MCTP1: variants seen among roughly 807,000 people sequenced by gnomAD.
MCTP1 encodes multiple C2 and transmembrane domain containing 1, also known as multiple C2 and transmembrane domain-containing protein 1.
Under a neutral mutation model 120.6 loss-of-function variants are expected in MCTP1, and 69 were observed. That is an observed-to-expected ratio of 0.57 (90% CI 0.47 to 0.70). The LOEUF (loss-of-function observed/expected upper bound fraction) is 0.70, where lower values mean the gene tolerates loss of function less well. MCTP1 is among the 30% of genes least tolerant of loss of function. The pLI is 0.00. For synonymous variants in MCTP1, 529 were observed against 493.1 expected, an observed-to-expected ratio of 1.07 and a Z score of -0.96; for missense variants, 1,203 against 1,248.8, an observed-to-expected ratio of 0.96 and a Z score of 0.55.
At chr5:95,046,214 T>C (rs1264061060) in intron 1 of MCTP1, among the ~76,000 whole-genome samples, 4 of 152,180 alleles carry the variant, frequency 2.6e-5, no homozygotes, top group Admixed American at 1.3e-4. Context: ...AGAGATGCCA[T>C]AATTTCATTG....
At chr5:95,243,356 G>A (rs1756381859) in intron 1 of MCTP1, among the ~76,000 whole-genome samples, 1 of 152,214 alleles carries the variant, frequency 6.6e-6, no homozygotes, top group Admixed American at 6.5e-5. Flanking sequence ...TATTTGGGCT[G>A]AGACTTAAAG....
At position 95,127,507 on chromosome 5, in the gene MCTP1, C is replaced by T. The variant is rs560659734; in HGVS notation, c.721-110023G>A. ...AGGGCAGTGGAGGTGGTGGTGCAGT[C>T]TTGGGCAACTTGGAAGAGCATCTAT... On this transcript the variant is annotated intron_variant, in intron 1 of 22. Transcript: ENST00000515393. Among the ~76,000 whole-genome samples, 162 of 152,164 alleles carry T rather than the reference C, an allele frequency of 1.1e-3. 1 individual carries two copies. The highest frequency in any genetic ancestry group is 3.7e-3 in the African/African-American group (153 of 41,516).
intron 1 of MCTP1, among the ~76,000 whole-genome samples, chr5:95,039,601 TTTTA>T (rs1323785936): frequency 1.3e-5 from 2 of 152,182 alleles, no homozygotes; most frequent in Non-Finnish European, 2.9e-5. Context: ...AGGATGAGAA[TTTTA>T]TTTACTCAGT....
chr5:95,009,841 T>C (rs1426948628), intron 2 of MCTP1, among the ~76,000 whole-genome samples: 3 of 152,140 alleles, frequency 2.0e-5, no homozygotes, highest in South Asian at 2.1e-4. Flanking sequence ...AAAAAGGCAG[T>C]AGCACTTCAA....
chr5:95,047,200 A>G (rs1473767217), intron 1 of MCTP1, among the ~76,000 whole-genome samples: 1 of 152,172 alleles, frequency 6.6e-6, no homozygotes, highest in East Asian at 1.9e-4. Flanking sequence ...TTGCTTTCCC[A>G]TGTACTCTAG....
chr5:95,198,719 G>T (rs59458519), intron 1 of MCTP1, among the ~76,000 whole-genome samples: 1 of 152,164 alleles, frequency 6.6e-6, no homozygotes, highest in Admixed American at 6.5e-5. Flanking sequence ...GCATGGCTGA[G>T]AACTCAGTGG....
intron 1 of MCTP1, among the ~76,000 whole-genome samples, chr5:95,036,927 C>CTCAT (rs1170032970): frequency 1.3e-5 from 2 of 151,956 alleles, no homozygotes; most frequent in African/African-American, 4.8e-5. Flanking sequence ...CACTCACTCA[C>CTCAT]TCATTTTTTA....
intron 17 of MCTP1, among the ~76,000 whole-genome samples, chr5:94,817,840 C>T (rs77657298): frequency 6.6e-6 from 1 of 152,270 alleles, no homozygotes; most frequent in East Asian, 1.9e-4. Context: ...CGATTGGGCT[C>T]TCTTGTTCTT....
intron 2 of MCTP1, among the ~76,000 whole-genome samples, chr5:94,992,254 C>T (rs765704195): frequency 3.3e-5 from 5 of 152,068 alleles, no homozygotes; most frequent in South Asian, 2.1e-4. Flanking sequence ...TCACCAATAA[C>T]GTTTTAGTTA....
intron 1 of MCTP1, chr5:95,068,734 T>A: frequency 2.6e-6 from 3 of 1,148,888 alleles, no homozygotes; most frequent in Middle Eastern, 2.3e-4. Flanking sequence ...TTATGCCTAA[T>A]TAAACACCGA....
chr5:94,912,427 TCAAAAAAAAAAAA>T (rs1808903018), intron 9 of MCTP1, among the ~76,000 whole-genome samples: 6 of 24,216 alleles, frequency 2.5e-4, no homozygotes, highest in Admixed American at 7.8e-4. Flanking sequence ...TGAGACTCCA[TCAAAAAAAAAAAA>T]AAAAAAAAAA....
At chr5:94,730,616 A>T (rs1439661565) in intron 19 of MCTP1, among the ~76,000 whole-genome samples, 1 of 152,192 alleles carries the variant, frequency 6.6e-6, no homozygotes, top group Non-Finnish European at 1.5e-5. Context: ...GGAGGAGGAC[A>T]TGTTCTCAAT....
chr5:95,228,470 A>AAGAGAGAGAGAG (rs56915525), intron 1 of MCTP1, among the ~76,000 whole-genome samples: 14 of 147,424 alleles, frequency 9.5e-5, no homozygotes, highest in African/African-American at 1.7e-4. Flanking sequence ...ATGCAGCCAA[A>AAGAGAGAGAGAG]AGAGAGAGAG....
At position 94,898,955 on chromosome 5, in the gene MCTP1, CCTTT is replaced by C. The variant is rs1804787122; in HGVS notation, c.1653-4124_1653-4121del. On this transcript the variant is annotated intron_variant, in intron 10 of 22. Transcript: ENST00000515393. ...TGTATGTTTACATTTGCTGCATCTT[CCTTT>C]CTTTGCAATTCCACAAATCAAAAAG... is the stretch of plus-strand genomic sequence containing the variant. Among the ~76,000 whole-genome samples the C allele has an allele frequency of 2.0e-5, 3 of 152,170 alleles. No homozygotes were observed. The South Asian group carries it at 6.2e-4, about 32-fold the overall frequency.
intron 1 of MCTP1, among the ~76,000 whole-genome samples, chr5:95,157,519 A>G (rs896421331): frequency 3.9e-5 from 6 of 152,212 alleles, no homozygotes; most frequent in African/African-American, 1.4e-4. Flanking sequence ...GAAACAGAAA[A>G]CTTTAGCAAC....
intron 17 of MCTP1, among the ~76,000 whole-genome samples, chr5:94,832,870 GT>G (rs545268167): frequency 5.3e-4 from 81 of 152,306 alleles, no homozygotes; most frequent in Admixed American, 1.6e-3. Flanking sequence ...GTTAAAACAC[GT>G]GTCATGAGCT....
At position 94,942,421 on chromosome 5, in the gene MCTP1, C is replaced by A; in HGVS notation, c.988G>T (p.Asp330Tyr). 1 of 1,607,870 alleles carries A rather than the reference C, an allele frequency of 6.2e-7. No individual in the cohort carries two copies. The highest frequency in any genetic ancestry group is 1.1e-5 in the South Asian group (1 of 90,878). Residue 330 changes from aspartate (D) to tyrosine (Y), a missense_variant, in exon 4 of 23, where the codon GAC becomes TAC. Transcript: ENST00000515393. ...TCATCCTGTAGTCCAAAATCATAGT[C>A]AAATACCTGAGATGCCAAAGAGAAA... ...LREPLYIKVF[D>Y]YDFGLQDDFM...
At chr5:94,829,799 T>C (rs1026680711) in intron 17 of MCTP1, among the ~76,000 whole-genome samples, 1 of 152,122 alleles carries the variant, frequency 6.6e-6, no homozygotes, top group African/African-American at 2.4e-5. Flanking sequence ...GCCTCAGAAG[T>C]GTGTAATCTT....
intron 17 of MCTP1, among the ~76,000 whole-genome samples, chr5:94,841,375 A>T (rs906136390): frequency 6.6e-6 from 1 of 152,234 alleles, no homozygotes; most frequent in Admixed American, 6.5e-5. Flanking sequence ...AATTTTTTCC[A>T]TTAAAGCCAG....
Sources: gnomAD v4.1 joint callset for allele counts (sites outside exome capture counted in the v4.1 genomes callset) on GRCh38, gnomAD v4.1.1 for gene constraint, MANE v1.5 for transcripts, NCBI Gene and HGNC (gene_info 2026-07-23, HGNC 2026-07-21) for gene names.